NPAS3: variants seen among roughly 807,000 people sequenced by gnomAD.
The protein encoded by NPAS3 is neuronal PAS domain-containing protein 3.
A neutral mutation model predicts 73.1 loss-of-function variants in NPAS3; 14 were observed. The observed-to-expected ratio is 0.19, with a 90% CI of 0.13 to 0.30. The LOEUF (loss-of-function observed/expected upper bound fraction) is 0.30. Ranked by LOEUF, NPAS3 falls within the 10% of genes least tolerant of loss-of-function variation. NPAS3 has a pLI of 1.00. For missense variants in NPAS3, 1,096 were observed against 1,250.0 expected, an observed-to-expected ratio of 0.88 and a Z score of 1.86; for synonymous variants, 620 against 541.5, an observed-to-expected ratio of 1.14 and a Z score of -2.01.
intron 3 of NPAS3, among the ~76,000 whole-genome samples, chr14:33,246,311 G>T (rs979787370): frequency 6.6e-6 from 1 of 151,974 alleles, no homozygotes; most frequent in Non-Finnish European, 1.5e-5. Context: ...AGGCCGAGGC[G>T]GGCGGATCAC....
intron 2 of NPAS3, among the ~76,000 whole-genome samples, chr14:33,166,159 C>A (rs2045137851): frequency 1.3e-5 from 2 of 152,150 alleles, no homozygotes; most frequent in Non-Finnish European, 2.9e-5. Context: ...CCCCCTCACC[C>A]CTCGGTTCAA....
intron 3 of NPAS3, among the ~76,000 whole-genome samples, chr14:33,282,480 G>GT (rs2041668337): frequency 1.3e-5 from 2 of 152,162 alleles, no homozygotes; most frequent in Non-Finnish European, 2.9e-5. Context: ...GCTGATTGCA[G>GT]CCCTTCTGGG....
chr14:33,215,502 C>A (rs2139677573), intron 3 of NPAS3, 76 bp downstream of exon 3: 1 of 1,503,880 alleles, frequency 6.6e-7, no homozygotes, highest in Non-Finnish European at 9.2e-7. Flanking sequence ...TACCATCATC[C>A]TTTCTTCTTT....
At chr14:33,042,572 A>T (rs963267675) in intron 1 of NPAS3, among the ~76,000 whole-genome samples, 2 of 152,156 alleles carry the variant, frequency 1.3e-5, no homozygotes, top group Non-Finnish European at 2.9e-5. Context: ...TCTCTACCCC[A>T]TTCTATTTAA....
At chr14:33,484,353 T>G (rs2051476752) in intron 4 of NPAS3, among the ~76,000 whole-genome samples, 2 of 152,164 alleles carry the variant, frequency 1.3e-5, no homozygotes, top group Non-Finnish European at 2.9e-5. Flanking sequence ...TTACTGAGCA[T>G]TAAGTTGATC....
chr14:33,293,143 A>G (rs2042165821), intron 3 of NPAS3, among the ~76,000 whole-genome samples: 1 of 152,142 alleles, frequency 6.6e-6, no homozygotes, highest in South Asian at 2.1e-4. Flanking sequence ...CTCTTGACGA[A>G]CCCTAATTTC....
intron 4 of NPAS3, among the ~76,000 whole-genome samples, chr14:33,501,966 T>A (rs1321939040): frequency 6.6e-6 from 1 of 151,952 alleles, no homozygotes; most frequent in Admixed American, 6.6e-5. Flanking sequence ...GAGTAAACCC[T>A]CTAATGAGCT....
intron 2 of NPAS3, among the ~76,000 whole-genome samples, chr14:33,059,724 A>G (rs569371633): frequency 1.3e-5 from 2 of 152,356 alleles, no homozygotes; most frequent in African/African-American, 4.8e-5. Context: ...TCTTATAAAA[A>G]TATTTTCAAA....
intron 2 of NPAS3, among the ~76,000 whole-genome samples, chr14:33,211,916 G>T (rs2047054044): frequency 6.6e-6 from 1 of 152,060 alleles, no homozygotes; most frequent in East Asian, 1.9e-4. Flanking sequence ...GTAAATATTT[G>T]GGTCTGAAGT....
At chr14:33,137,895 A>C (rs1431341206) in intron 2 of NPAS3, among the ~76,000 whole-genome samples, 2 of 152,116 alleles carry the variant, frequency 1.3e-5, no homozygotes, top group African/African-American at 4.8e-5. Context: ...AGAGATTCTC[A>C]ATAGTTTTTG....
At chr14:33,044,829 T>C (rs1288455288) in intron 1 of NPAS3, among the ~76,000 whole-genome samples, 1 of 152,120 alleles carries the variant, frequency 6.6e-6, no homozygotes, top group Admixed American at 6.5e-5. Flanking sequence ...AGCTAACAGG[T>C]TGTAGCAAAG....
intron 4 of NPAS3, among the ~76,000 whole-genome samples, chr14:33,488,921 T>C (rs2051751439): frequency 6.6e-6 from 1 of 152,142 alleles, no homozygotes; most frequent in African/African-American, 2.4e-5. Flanking sequence ...ACGTGGGCAG[T>C]GATTTTACTG....
chr14:33,551,460 C>T (rs989551419), intron 4 of NPAS3, among the ~76,000 whole-genome samples: 1 of 152,122 alleles, frequency 6.6e-6, no homozygotes, highest in Non-Finnish European at 1.5e-5. Flanking sequence ...TGTGGGTTTC[C>T]CTGCCAACAT....
intron 4 of NPAS3, among the ~76,000 whole-genome samples, chr14:33,388,440 G>A (rs1331587046): frequency 6.6e-6 from 1 of 151,250 alleles, no homozygotes; most frequent in Non-Finnish European, 1.5e-5. Context: ...AGGGAAATAG[G>A]CACTCGTGAA....
intron 3 of NPAS3, among the ~76,000 whole-genome samples, chr14:33,222,218 A>T (rs780528145): frequency 1.3e-5 from 2 of 152,210 alleles, no homozygotes; most frequent in Non-Finnish European, 2.9e-5. Flanking sequence ...AGAGGGTCAG[A>T]TAGTCTTCCT....
At chr14:33,431,066 G>A (rs2139150744) in intron 4 of NPAS3, among the ~76,000 whole-genome samples, 1 of 152,290 alleles carries the variant, frequency 6.6e-6, no homozygotes, top group Admixed American at 6.5e-5. Flanking sequence ...AAATGCACGT[G>A]GGAAATGCAA....
intron 5 of NPAS3, among the ~76,000 whole-genome samples, chr14:33,660,926 T>A (rs1045692360): frequency 3.1e-4 from 47 of 152,220 alleles, no homozygotes; most frequent in African/African-American, 9.9e-4. Flanking sequence ...GTAATACTTG[T>A]GTTTCTTCAG....
chr14:33,762,953 GA>G (rs1359059158), intron 7 of NPAS3, among the ~76,000 whole-genome samples: 2 of 152,200 alleles, frequency 1.3e-5, no homozygotes, highest in African/African-American at 4.8e-5. Flanking sequence ...GAAAACAAAA[GA>G]GGAAAATGGA....
intron 9 of NPAS3, among the ~76,000 whole-genome samples, chr14:33,781,074 C>T (rs1377780065): frequency 6.6e-6 from 1 of 152,192 alleles, no homozygotes; most frequent in Non-Finnish European, 1.5e-5. Context: ...ATTTAGCTAT[C>T]ATGCTGTGGA....
Sources: gnomAD v4.1 joint callset for allele counts (sites outside exome capture counted in the v4.1 genomes callset) on GRCh38, gnomAD v4.1.1 for gene constraint, MANE v1.5 for transcripts, NCBI Gene and HGNC (gene_info 2026-07-23, HGNC 2026-07-21) for gene names.